The following TDRD10 variants were observed in gnomAD, a reference collection of about 807,000 sequenced individuals.
TDRD10 encodes the protein tudor domain-containing protein 10.
In TDRD10, 40 loss-of-function variants were observed where a neutral mutation model predicts 48.0. The ratio of observed to expected loss-of-function variants is 0.83; its 90% CI spans 0.65 to 1.09. The LOEUF (loss-of-function observed/expected upper bound fraction) is 1.09, where lower values mean the gene tolerates loss of function less well. Ranked by LOEUF, TDRD10 falls within the 50% of genes least tolerant of loss-of-function variation. The probability of loss-of-function intolerance (pLI) is 0.00; values close to 1 mark genes in which losing one functional copy is unlikely to be tolerated. For synonymous variants in TDRD10, 162 were observed against 170.4 expected, an observed-to-expected ratio of 0.95 and a Z score of 0.38; for missense variants, 378 against 434.7, an observed-to-expected ratio of 0.87 and a Z score of 1.16.
intron 4 of TDRD10, among the ~76,000 whole-genome samples, chr1:154,514,804 C>T (rs1273754448): frequency 6.6e-6 from 1 of 152,060 alleles, no homozygotes; most frequent in African/African-American, 2.4e-5. Context: ...CCCCCTATCT[C>T]GGCTTCCCAT....
At chr1:154,530,136 T>A (rs1337422785) in intron 6 of TDRD10, among the ~76,000 whole-genome samples, 1 of 152,122 alleles carries the variant, frequency 6.6e-6, no homozygotes, top group Non-Finnish European at 1.5e-5. Flanking sequence ...TGCCTCAGCC[T>A]CCCGAGGAGC....
chr1:154,545,655 G>T (rs1695507588), intron 11 of TDRD10, among the ~76,000 whole-genome samples: 1 of 151,540 alleles, frequency 6.6e-6, no homozygotes, highest in Admixed American at 6.6e-5. Flanking sequence ...ACTCATAGCA[G>T]CCTCAAACTC....
intron 6 of TDRD10, among the ~76,000 whole-genome samples, chr1:154,522,641 A>G (rs1237470520): frequency 2.6e-5 from 4 of 152,142 alleles, no homozygotes; most frequent in Non-Finnish European, 5.9e-5. Flanking sequence ...CCCCATCTCT[A>G]TAAACAGGAA....
intron 6 of TDRD10, among the ~76,000 whole-genome samples, chr1:154,538,702 A>C (rs1570972641): frequency 6.6e-6 from 1 of 151,818 alleles, no homozygotes; most frequent in East Asian, 1.9e-4. Context: ...AAATACAAAA[A>C]ATTAGCCGGG....
intron 6 of TDRD10, among the ~76,000 whole-genome samples, chr1:154,527,657 T>C (rs1464845666): frequency 6.6e-6 from 1 of 151,896 alleles, no homozygotes; most frequent in South Asian, 2.1e-4. Flanking sequence ...AAAAAAAAGA[T>C]GGATAAGTTA....
At chr1:154,544,142 C>G in intron 9 of TDRD10, 32 bp downstream of exon 9, 1 of 1,613,646 alleles carries the variant, frequency 6.2e-7, no homozygotes, top group Non-Finnish European at 8.5e-7. Flanking sequence ...CCTCAGGCTC[C>G]TGTGCCTTCC....
intron 6 of TDRD10, among the ~76,000 whole-genome samples, chr1:154,535,742 T>C (rs1449922384): frequency 6.6e-6 from 1 of 152,176 alleles, no homozygotes; most frequent in Non-Finnish European, 1.5e-5. Context: ...GTGTGCCCCA[T>C]GTACCTGTTC....
chr1:154,505,049 T>C (rs536769556), intron 1 of TDRD10, among the ~76,000 whole-genome samples: 17 of 152,110 alleles, frequency 1.1e-4, no homozygotes, highest in African/African-American at 3.6e-4. Context: ...GACCAAACAA[T>C]AGATTGGAAG....
Position 154,544,487 on chromosome 1 carries a change from A to G in TDRD10, c.767A>G (p.His256Arg). Residue 256 changes from histidine (H) to arginine (R), a missense_variant, in exon 10 of 13, where the codon CAC (histidine) becomes CGC (arginine). Transcript: ENST00000368482. The part of the protein sequence containing the change: ...MRGTRCLAEY[H>R]LGDYGHAWNR... ...GGGACTCGCTGTCTGGCAGAGTACC[A>G]CCTGGGGGATTATGGACACGCCTGG... The G allele has an allele frequency of 6.2e-7, 1 of 1,613,840 alleles. No homozygotes were observed. Among genetic ancestry groups the G allele is most frequent in the South Asian group, 1.1e-5 (1 of 90,920 alleles).
At position 154,521,329 on chromosome 1, in the gene TDRD10, A is replaced by C. The variant is rs879552797; in HGVS notation, c.219A>C (p.Ala73=). Residue 73 remains alanine, a synonymous_variant, in exon 6 of 13, where the codon GCA becomes GCC. Transcript: ENST00000368482. The part of the protein sequence containing the change: ...HKIQNGCKCF[A]FVDLGSMQKV... ...CTCTCTCTTCCCTTTTCAGCTTTGCATTTGTAGATCTGGGCTCCATGCAGA... is the reference window on the plus strand; with the variant it reads ...CTCTCTCTTCCCTTTTCAGCTTTGCCTTTGTAGATCTGGGCTCCATGCAGA... 77 of 1,613,818 alleles carry C rather than the reference A, an allele frequency of 4.8e-5. No homozygotes were observed. The highest frequency in any genetic ancestry group is 6.4e-5 in the Non-Finnish European group (76 of 1,179,988).
chr1:154,526,788 C>T (rs567581249), intron 6 of TDRD10, among the ~76,000 whole-genome samples: 33 of 151,246 alleles, frequency 2.2e-4, no homozygotes, highest in African/African-American at 7.5e-4. Flanking sequence ...TGGGGTTTCA[C>T]CATGTTGGCC....
intron 5 of TDRD10, 136 bp from the exon 6 acceptor site, chr1:154,521,186 TG>T (rs1354270161): frequency 2.4e-6 from 2 of 829,080 alleles, no homozygotes; most frequent in Non-Finnish European, 3.9e-6. Flanking sequence ...ACTTGTAGCT[TG>T]CTTGTGAACA....
chr1:154,511,440 C>G (rs1376181551), intron 4 of TDRD10, among the ~76,000 whole-genome samples: 2 of 151,552 alleles, frequency 1.3e-5, no homozygotes, highest in African/African-American at 4.9e-5. Flanking sequence ...TTGAGACCAG[C>G]CTGGTCAACA....
chr1:154,527,371 G>A (rs1420650119), intron 6 of TDRD10, among the ~76,000 whole-genome samples: 1 of 151,936 alleles, frequency 6.6e-6, no homozygotes, highest in Non-Finnish European at 1.5e-5. Context: ...CAGGTAGAGT[G>A]GTAGATCTCT....
In TDRD10 at chr1:154,520,715, T is replaced by C. The variant is rs1292909987; in HGVS notation, c.212+341T>C. Among the ~76,000 whole-genome samples, 3 of 152,300 alleles carry C rather than the reference T, an allele frequency of 2.0e-5. No individual in the cohort carries two copies. The South Asian group carries it at 6.2e-4, about 32-fold the overall frequency. ...ACCTACTTATATTTTCCCTTTCTTA[T>C]TTTCAAGGCAGTAAAAAGTGCTTTG... On this transcript the variant is annotated intron_variant, in intron 5 of 12. Coordinates refer to ENST00000368482, the MANE Select transcript of TDRD10 (RefSeq NM_182499.4).
At chr1:154,503,416 G>A (rs1277089506) in intron 1 of TDRD10, among the ~76,000 whole-genome samples, 2 of 151,934 alleles carry the variant, frequency 1.3e-5, no homozygotes, top group African/African-American at 4.8e-5. Context: ...GGTGAAACCT[G>A]GTCTCTACTA....
chr1:154,524,204 T>C (rs1159615595), intron 6 of TDRD10, among the ~76,000 whole-genome samples: 1 of 152,212 alleles, frequency 6.6e-6, no homozygotes, highest in Non-Finnish European at 1.5e-5. Context: ...TGTTGCTTTG[T>C]TACCCAGGCT....
intron 6 of TDRD10, among the ~76,000 whole-genome samples, chr1:154,524,369 G>A (rs1018309946): frequency 3.9e-5 from 6 of 152,160 alleles, no homozygotes; most frequent in Admixed American, 1.3e-4. Context: ...GTTTCGCCAT[G>A]TTGCCCAGGC....
At chr1:154,543,478 GC>G (rs2149353779) in intron 8 of TDRD10, among the ~76,000 whole-genome samples, 1 of 152,266 alleles carries the variant, frequency 6.6e-6, no homozygotes, top group Admixed American at 6.5e-5. Context: ...GGTGTCATTA[GC>G]CCCGTGTGGT....
Sources: gnomAD v4.1 joint callset for allele counts (sites outside exome capture counted in the v4.1 genomes callset) on GRCh38, gnomAD v4.1.1 for gene constraint, MANE v1.5 for transcripts, NCBI Gene and HGNC (gene_info 2026-07-23, HGNC 2026-07-21) for gene names.